Variants in PCDHA8 observed in about 807,000 individuals in gnomAD.
The protein encoded by PCDHA8 is protocadherin alpha-8.
A neutral mutation model predicts 61.8 loss-of-function variants in PCDHA8; 53 were observed. The observed-to-expected ratio is 0.86, with a 90% CI of 0.69 to 1.08. The LOEUF is 1.08. Ranked by LOEUF, PCDHA8 falls within the 50% of genes least tolerant of loss-of-function variation. The pLI is 0.00. For synonymous variants in PCDHA8, 618 were observed against 556.6 expected (o/e 1.11, Z -1.55); for missense variants, 1,293 against 1,245.0 (o/e 1.04, Z -0.58).
At position 140,859,297 on chromosome 5, in the gene PCDHA8, G is replaced by A. The variant is rs918204885; in HGVS notation, c.2394+15582G>A. 281 of 128,994 alleles carry A rather than the reference G, an allele frequency of 2.2e-3. 12 individuals are homozygous for A. The highest frequency in any genetic ancestry group is 7.5e-3 in the African/African-American group (274 of 36,598). The allele number at this position is 128,994 out of a possible 1,614,324, so 8.0% of individuals were successfully genotyped here. A position where few individuals can be genotyped will look rare whatever the true frequency, so the allele number is the denominator to read the frequency against. On this transcript the variant is annotated intron_variant, in intron 1 of 3. Coordinates refer to ENST00000531613, the MANE Select transcript of PCDHA8 (RefSeq NM_018911.3). Reference sequence around the variant, plus strand: ...TACTTTTGAGACTGAAAATACTTTAGTATGAATTAATATTAAAAGTTTGAG... The same window carrying A: ...TACTTTTGAGACTGAAAATACTTTAATATGAATTAATATTAAAAGTTTGAG...
At chr5:140,845,938 G>T (rs1554141077) in intron 1 of PCDHA8, among the ~76,000 whole-genome samples, 1 of 149,608 alleles carries the variant, frequency 6.7e-6, no homozygotes, top group South Asian at 2.1e-4. Flanking sequence ...ACTATCTTCT[G>T]TAAAGTCATT....
At chr5:140,971,641 C>T (rs1554233513) in intron 1 of PCDHA8, among the ~76,000 whole-genome samples, 1 of 152,078 alleles carries the variant, frequency 6.6e-6, no homozygotes, top group African/African-American at 2.4e-5. Context: ...CATGTGCCTA[C>T]ATTAAAAGTA....
chr5:140,990,814 T>A (rs1184527701), intron 3 of PCDHA8, among the ~76,000 whole-genome samples: 1 of 152,184 alleles, frequency 6.6e-6, no homozygotes, highest in Non-Finnish European at 1.5e-5. Context: ...GAAGCTCCCT[T>A]CTCTCAGCTA....
chr5:140,872,873 A>G (rs1419569928), intron 1 of PCDHA8, among the ~76,000 whole-genome samples: 1 of 152,204 alleles, frequency 6.6e-6, no homozygotes, highest in African/African-American at 2.4e-5. Flanking sequence ...GACAATTATC[A>G]GTTTCATTCA....
intron 1 of PCDHA8, chr5:140,877,503 G>A (rs1056644080): frequency 3.6e-5 from 58 of 1,613,716 alleles, no homozygotes; most frequent in Non-Finnish European, 4.8e-5. Context: ...AGGCCCCAAA[G>A]ACGTCGTCGC....
chr5:140,877,440 G>A (rs372613448), intron 1 of PCDHA8: 9 of 1,613,710 alleles, frequency 5.6e-6, no homozygotes, highest in Non-Finnish European at 5.9e-6. Context: ...ACCACGGTGA[G>A]CCCGCGCTGA....
intron 3 of PCDHA8, among the ~76,000 whole-genome samples, chr5:140,992,330 C>A (rs1240004004): frequency 6.6e-6 from 1 of 152,070 alleles, no homozygotes. Context: ...TTTCTAAGAG[C>A]AAAGATGGAA....
chr5:140,883,722 A>G (rs1249317360), intron 1 of PCDHA8: 1 of 1,613,546 alleles, frequency 6.2e-7, no homozygotes, highest in Non-Finnish European at 8.5e-7. Context: ...GCGGACGCAC[A>G]GGAGAACGCG....
At chr5:140,856,026 T>C in intron 1 of PCDHA8, 1 of 1,559,058 alleles carries the variant, frequency 6.4e-7, no homozygotes, top group Non-Finnish European at 8.7e-7. Context: ...ATTCGTCGAT[T>C]TGTAAAACAA....
At position 141,012,270 on chromosome 5, in the gene PCDHA8, G is replaced by A. The variant is rs782033901; in HGVS notation, c.*2333G>A. On this transcript the variant is annotated 3_prime_UTR_variant, in exon 4 of 4. Coordinates refer to ENST00000531613, the MANE Select transcript of PCDHA8 (RefSeq NM_018911.3). ...TATTACAGCTGTAAGGATAAAACAC[G>A]TCATGTGGATTCATTTTGAATTGGT... is the stretch of plus-strand genomic sequence containing the variant. 4 of 153,734 alleles carry A rather than the reference G, an allele frequency of 2.6e-5. No individual in the cohort carries two copies. The highest frequency in any genetic ancestry group is 5.9e-5 in the Non-Finnish European group (4 of 68,028). 9.5% of individuals were successfully genotyped at this position (153,734 alleles called of 1,614,324 possible).
chr5:140,847,280 A>T (rs2150398686), intron 1 of PCDHA8, among the ~76,000 whole-genome samples: 1 of 149,896 alleles, frequency 6.7e-6, no homozygotes, highest in Non-Finnish European at 1.5e-5. Context: ...TTGAACGGGA[A>T]GACAAACTCA....
rs79233681 is a variant in PCDHA8 at position 140,965,822 on chromosome 5, A to T, written c.2395-13127A>T. Among the ~76,000 whole-genome samples the T allele has an allele frequency of 5.2e-3, 789 of 152,324 alleles. 9 individuals are homozygous for T. The highest frequency in any genetic ancestry group is 0.018 in the African/African-American group (747 of 41,576). On this transcript the variant is annotated intron_variant, in intron 1 of 3. Coordinates refer to ENST00000531613, the MANE Select transcript of PCDHA8 (RefSeq NM_018911.3). The stretch of plus-strand genomic sequence containing the variant: ...TTTTTTTAAACAGAGCATTTTAAAC[A>T]TTTAAATATTGGTTATTTGCCAAGG...
At chr5:140,948,819 A>G (rs1332127797) in intron 1 of PCDHA8, among the ~76,000 whole-genome samples, 5 of 151,420 alleles carry the variant, frequency 3.3e-5, no homozygotes, top group Middle Eastern at 3.4e-3. Context: ...TTTCTATTTC[A>G]TTAATTTCTG....
chr5:140,943,679 A>C (rs973228943), intron 1 of PCDHA8, among the ~76,000 whole-genome samples: 3 of 152,248 alleles, frequency 2.0e-5, no homozygotes, highest in African/African-American at 7.2e-5. Context: ...TGTGAAAAAA[A>C]GGGATAAGGT....
At chr5:140,870,465 C>T (rs781918898) in intron 1 of PCDHA8, 1 of 1,614,208 alleles carries the variant, frequency 6.2e-7, no homozygotes, top group Non-Finnish European at 8.5e-7. Context: ...CGCCTGCGTT[C>T]GCACAGCCCG....
Position 140,853,522 on chromosome 5 carries a change from C to T in PCDHA8, c.2394+9807C>T, listed in dbSNP as rs1217727658. Reference sequence around the variant, plus strand: ...TCATGAAACAATAATGAAGCTCCTCCTATGTCTCTTTTCAAGTTGTAATTA... The same window carrying T: ...TCATGAAACAATAATGAAGCTCCTCTTATGTCTCTTTTCAAGTTGTAATTA... On this transcript the variant is annotated intron_variant, in intron 1 of 3. Coordinates refer to ENST00000531613, the MANE Select transcript of PCDHA8 (RefSeq NM_018911.3). 4.1e-6 allele frequency: 4 copies of T among 977,898 alleles called. No homozygotes were observed. In the African/African-American group the frequency reaches 5.3e-5, roughly 13 times the overall value. The allele number at this position is 977,898 out of a possible 1,614,324, so 60.6% of individuals were successfully genotyped here.
chr5:140,846,373 C>CTTTTTTTTTTTTTTTTTTT (rs374699051), intron 1 of PCDHA8, among the ~76,000 whole-genome samples: 1 of 55,152 alleles, frequency 1.8e-5, no homozygotes, highest in Admixed American at 2.3e-4. Flanking sequence ...TTCTTTCTTT[C>CTTTTTTTTTTTTTTTTTTT]TTTTTTTTTT....
intron 1 of PCDHA8, among the ~76,000 whole-genome samples, chr5:140,960,408 A>C (rs1006586468): frequency 6.6e-6 from 1 of 152,206 alleles, no homozygotes; most frequent in Admixed American, 6.5e-5. Flanking sequence ...GGGGGTGCCC[A>C]AAAAGTCAAC....
intron 1 of PCDHA8, chr5:140,967,123 C>A (rs1554229191): frequency 4.3e-6 from 7 of 1,612,606 alleles, no homozygotes; most frequent in African/African-American, 2.7e-5. Context: ...GCTGCCTGCT[C>A]AGCTTGGAAG....
Sources: gnomAD v4.1 joint callset for allele counts (sites outside exome capture counted in the v4.1 genomes callset) on GRCh38, gnomAD v4.1.1 for gene constraint, MANE v1.5 for transcripts, NCBI Gene and HGNC (gene_info 2026-07-23, HGNC 2026-07-21) for gene names.